PEAK1: variants seen among roughly 807,000 people sequenced by gnomAD.
The protein encoded by PEAK1 is inactive tyrosine-protein kinase PEAK1.
PEAK1 carries 54 observed loss-of-function variants against 124.7 expected under a neutral mutation model. That is an observed-to-expected ratio of 0.43 (90% CI 0.35 to 0.54). PEAK1 has a LOEUF of 0.54. Among genes scored for constraint, PEAK1 ranks in the 20% least tolerant of loss-of-function variants. The pLI is 0.01. For missense variants in PEAK1, 2,046 were observed against 2,134.5 expected (o/e 0.96, Z 0.82); for synonymous variants, 719 against 760.0 (o/e 0.95, Z 0.89).
At chr15:77,274,339 A>G (rs556784098) in intron 5 of PEAK1, among the ~76,000 whole-genome samples, 41 of 152,260 alleles carry the variant, frequency 2.7e-4, no homozygotes, top group African/African-American at 9.6e-4. Flanking sequence ...AAACCAGACA[A>G]CCCACAGAGT....
chr15:77,379,467 C>T (rs375931641), intron 1 of PEAK1, among the ~76,000 whole-genome samples: 4 of 151,992 alleles, frequency 2.6e-5, no homozygotes, highest in East Asian at 3.9e-4. Context: ...TATCAAACAC[C>T]CTCATACTTA....
chr15:77,224,309 T>C (rs1189611326), intron 6 of PEAK1, among the ~76,000 whole-genome samples: 1 of 152,058 alleles, frequency 6.6e-6, no homozygotes, highest in Non-Finnish European at 1.5e-5. Flanking sequence ...GATACTATCA[T>C]AATGCAGGAA....
At chr15:77,406,252 T>C (rs553478694) in intron 1 of PEAK1, among the ~76,000 whole-genome samples, 6 of 152,052 alleles carry the variant, frequency 3.9e-5, no homozygotes, top group Admixed American at 3.3e-4. Flanking sequence ...AAAAGGCAAA[T>C]AAATGAAAAA....
At chr15:77,233,679 T>G (rs149285865) in intron 6 of PEAK1, among the ~76,000 whole-genome samples, 1 of 152,314 alleles carries the variant, frequency 6.6e-6, no homozygotes, top group Non-Finnish European at 1.5e-5. Context: ...CATTTCTCTA[T>G]TTTGAACTCT....
intron 2 of PEAK1, among the ~76,000 whole-genome samples, chr15:77,324,355 C>T (rs1020132037): frequency 7.2e-5 from 11 of 152,150 alleles, no homozygotes; most frequent in Admixed American, 7.2e-4. Flanking sequence ...GTGGTGGGTG[C>T]CTGTAAGCCC....
chr15:77,152,396 G>A (rs1286597520), intron 8 of PEAK1, among the ~76,000 whole-genome samples: 16 of 151,538 alleles, frequency 1.1e-4, no homozygotes, highest in Non-Finnish European at 1.3e-4. Flanking sequence ...GGGCTGAGAC[G>A]ATGGGGTTTT....
chr15:77,381,520 T>C (rs2069482113), intron 1 of PEAK1: 1 of 931,668 alleles, frequency 1.1e-6, no homozygotes, highest in Admixed American at 6.2e-5. Flanking sequence ...AACTTTATCT[T>C]TTCCATTACA....
chr15:77,196,658 T>A (rs2058118002), intron 6 of PEAK1, among the ~76,000 whole-genome samples: 1 of 152,110 alleles, frequency 6.6e-6, no homozygotes, highest in African/African-American at 2.4e-5. Context: ...CTAACAAATG[T>A]TAGTGTTTTC....
At chr15:77,386,750 AT>A (rs2069978113) in intron 1 of PEAK1, among the ~76,000 whole-genome samples, 1 of 152,164 alleles carries the variant, frequency 6.6e-6, no homozygotes, top group South Asian at 2.1e-4. Flanking sequence ...ACAGTTGGTT[AT>A]CCATCACATC....
intron 7 of PEAK1, among the ~76,000 whole-genome samples, chr15:77,166,877 T>C (rs919256203): frequency 6.6e-6 from 1 of 152,176 alleles, no homozygotes; most frequent in African/African-American, 2.4e-5. Context: ...GACTTCAAAG[T>C]CTACGTTCTA....
Position 77,410,421 on chromosome 15 carries a change from G to A in PEAK1, c.-666+9585C>T, listed in dbSNP as rs370458247. 2.9e-4 allele frequency among the ~76,000 whole-genome samples: 44 copies of A among 152,238 alleles called. No individual in the cohort carries two copies. In the South Asian group the frequency reaches 2.9e-3, roughly 10 times the overall value. ...ATTACAGGTGTGAGCCATCGCACCC[G>A]TCTGTGATCATGTTTTTACAAAGTG... is the stretch of plus-strand genomic sequence containing the variant. On this transcript the variant is annotated intron_variant, in intron 1 of 9. Coordinates refer to ENST00000682557, the MANE Select transcript of PEAK1 (RefSeq NM_001385026.1).
At chr15:77,264,911 A>C (rs1289854462) in intron 5 of PEAK1, among the ~76,000 whole-genome samples, 1 of 152,172 alleles carries the variant, frequency 6.6e-6, no homozygotes, top group East Asian at 1.9e-4. Context: ...ACAGAGATAT[A>C]GATCAATGGA....
intron 6 of PEAK1, among the ~76,000 whole-genome samples, chr15:77,237,944 AT>A (rs1419291596): frequency 6.6e-6 from 1 of 152,118 alleles, no homozygotes; most frequent in Admixed American, 6.6e-5. Context: ...AACAGCAAAC[AT>A]TTTTCAAACT....
chr15:77,349,911 A>G (rs2067104125), intron 2 of PEAK1: 1 of 984,744 alleles, frequency 1.0e-6, no homozygotes, highest in African/African-American at 1.7e-5. Context: ...TTTACAATAC[A>G]TGTTTCTGAG....
intron 2 of PEAK1, chr15:77,346,141 C>A: frequency 1.0e-6 from 1 of 985,130 alleles, no homozygotes; most frequent in Non-Finnish European, 1.2e-6. Flanking sequence ...TATAGAATTG[C>A]CACTTTCCTC....
intron 8 of PEAK1, among the ~76,000 whole-genome samples, chr15:77,139,813 A>G (rs1364985411): frequency 6.6e-6 from 1 of 151,958 alleles, no homozygotes; most frequent in Non-Finnish European, 1.5e-5. Context: ...ATATATACAC[A>G]TATAATATAT....
intron 1 of PEAK1, among the ~76,000 whole-genome samples, chr15:77,382,183 T>C (rs1597525791): frequency 6.6e-6 from 1 of 152,128 alleles, no homozygotes; most frequent in Non-Finnish European, 1.5e-5. Flanking sequence ...TAGAAACAGC[T>C]AACAAATCAA....
chr15:77,253,119 G>T (rs2060955293), intron 5 of PEAK1, among the ~76,000 whole-genome samples: 1 of 151,780 alleles, frequency 6.6e-6, no homozygotes, highest in Admixed American at 6.6e-5. Flanking sequence ...TTGTTTCACT[G>T]TAACACCAAA....
At chr15:77,412,708 T>G (rs1000127538) in intron 1 of PEAK1, among the ~76,000 whole-genome samples, 1 of 152,154 alleles carries the variant, frequency 6.6e-6, no homozygotes, top group Admixed American at 6.5e-5. Flanking sequence ...ATCCAGATCT[T>G]GGCTTCAAAA....
Sources: allele counts gnomAD v4.1 joint callset (sites outside exome capture counted in the v4.1 genomes callset), GRCh38; gene constraint gnomAD v4.1.1; transcripts MANE v1.5; gene names NCBI Gene and HGNC (gene_info 2026-07-23, HGNC 2026-07-21).